Variants in TMEM182 observed in about 807,000 individuals in gnomAD.
The protein encoded by TMEM182 is transmembrane protein 182.
Under a neutral mutation model 26.8 loss-of-function variants are expected in TMEM182, and 20 were observed. That is an observed-to-expected ratio of 0.75 (90% CI 0.53 to 1.09). The LOEUF (loss-of-function observed/expected upper bound fraction) is 1.09, where lower values mean the gene tolerates loss of function less well. Ranked by LOEUF, TMEM182 falls within the 50% of genes least tolerant of loss-of-function variation. The pLI, the probability that TMEM182 is intolerant of heterozygous loss-of-function variation, is 0.00. For missense variants in TMEM182, 277 were observed against 275.5 expected, an observed-to-expected ratio of 1.01 and a Z score of -0.04; for synonymous variants, 109 against 102.2, an observed-to-expected ratio of 1.07 and a Z score of -0.40.
chr2:102,832,327 T>A (rs1214416312), intron 3 of TMEM182, among the ~76,000 whole-genome samples: 3 of 152,240 alleles, frequency 2.0e-5, no homozygotes, highest in African/African-American at 7.2e-5. Context: ...CTACTGGGAT[T>A]GTAAATCAAC....
chr2:102,765,929 C>A (rs1402786348), intron 3 of TMEM182, among the ~76,000 whole-genome samples: 1 of 152,160 alleles, frequency 6.6e-6, no homozygotes, highest in Non-Finnish European at 1.5e-5. Context: ...GCCTACCTGT[C>A]ACTAGTAAGG....
downstream of TMEM182, among the ~76,000 whole-genome samples, chr2:102,821,401 G>A (rs1200213264): frequency 6.6e-6 from 1 of 152,036 alleles, no homozygotes; most frequent in Non-Finnish European, 1.5e-5. Flanking sequence ...GAGTTCTCAC[G>A]AGTTGTAATT....
At chr2:102,762,401 T>G (rs1199865339) in intron 1 of TMEM182, 52 bp downstream of exon 1, 1 of 1,605,624 alleles carries the variant, frequency 6.2e-7, no homozygotes, top group Non-Finnish European at 8.5e-7. Context: ...GAAGATACCC[T>G]TATGTATGCT....
downstream of TMEM182, among the ~76,000 whole-genome samples, chr2:102,820,077 G>A (rs565623910): frequency 7.9e-4 from 120 of 152,282 alleles, 2 homozygotes; most frequent in East Asian, 7.1e-3. Context: ...ACATGTCTTA[G>A]TTGGTTTATT....
chr2:102,755,806 T>C (rs560832757), intron 1 of TMEM182, among the ~76,000 whole-genome samples: 14 of 152,210 alleles, frequency 9.2e-5, no homozygotes, highest in Non-Finnish European at 2.1e-4. Context: ...TCATTCATTA[T>C]TAAACTGATT....
intron 4 of TMEM182, among the ~76,000 whole-genome samples, chr2:102,801,706 A>C (rs1299854386): frequency 6.6e-6 from 1 of 152,104 alleles, no homozygotes; most frequent in Non-Finnish European, 1.5e-5. Context: ...TAAAAAGGGA[A>C]AGGAAAATTT....
chr2:102,760,476 A>G (rs1469615680), upstream of TMEM182, among the ~76,000 whole-genome samples: 2 of 152,156 alleles, frequency 1.3e-5, no homozygotes, highest in Admixed American at 1.3e-4. Context: ...TCATAGCTTG[A>G]TGGTGTGGGA....
Position 102,806,213 on chromosome 2 carries a change from A to G in TMEM182, c.469+8213A>G, listed in dbSNP as rs144804861. ...TTTCTGAGCCATTTGTTTTCTTTAC[A>G]TTTTCGTGTATGGAAAGAGAAGCCT... On this transcript the variant is annotated intron_variant, in intron 4 of 4. Coordinates refer to ENST00000412401, the MANE Select transcript of TMEM182 (RefSeq NM_144632.5). 2.8e-3 allele frequency among the ~76,000 whole-genome samples: 421 copies of G among 151,838 alleles called. 1 individual carries two copies. Among genetic ancestry groups the G allele is most frequent in the African/African-American group, 9.7e-3 (402 of 41,382 alleles).
intron 3 of TMEM182, among the ~76,000 whole-genome samples, chr2:102,788,267 A>T (rs1681480921): frequency 6.6e-6 from 1 of 152,098 alleles, no homozygotes; most frequent in East Asian, 1.9e-4. Flanking sequence ...CTGGTTTGGA[A>T]TCCTAGCATG....
At position 102,753,194 on chromosome 2, in the gene TMEM182, T is replaced by TCC. The variant is rs1553436423; in HGVS notation, c.-82-5187_-82-5186dup. ...GATTTTAACAAATGAGTTTTAAGCT[T>TCC]CCCCCCCCCACTGCCTTCAAGAGTT... On this transcript the variant is annotated intron_variant, in intron 1 of 5. Coordinates refer to the TMEM182 transcript ENST00000409173. Among the ~76,000 whole-genome samples, 512 of 138,160 alleles carry TCC rather than the reference T, an allele frequency of 3.7e-3. 1 individual carries two copies. The highest frequency in any genetic ancestry group is 0.011 in the African/African-American group (402 of 36,182). 90.6% of individuals were successfully genotyped at this position (138,160 alleles called of 152,430 possible).
At chr2:102,833,989 G>A (rs940777621) in intron 3 of TMEM182, among the ~76,000 whole-genome samples, 1 of 152,148 alleles carries the variant, frequency 6.6e-6, no homozygotes, top group Non-Finnish European at 1.5e-5. Context: ...TATCCCATTT[G>A]TGTAAATGGG....
intron 3 of TMEM182, among the ~76,000 whole-genome samples, chr2:102,765,683 A>G (rs1026531211): frequency 2.6e-5 from 4 of 152,196 alleles, no homozygotes; most frequent in African/African-American, 4.8e-5. Context: ...ATTTGCTTGT[A>G]TTACATCATT....
intron 4 of TMEM182, among the ~76,000 whole-genome samples, chr2:102,808,855 C>A (rs1215917786): frequency 6.6e-6 from 1 of 152,160 alleles, no homozygotes; most frequent in African/African-American, 2.4e-5. Context: ...GCTATGATTC[C>A]ATTTATAATG....
chr2:102,739,634 C>A lies in TMEM182; in HGVS notation c.-83+2621C>A, dbSNP rs537622189. Among the ~76,000 whole-genome samples, 236 of 152,298 alleles carry A rather than the reference C, an allele frequency of 1.5e-3. 4 individuals carry two copies. The highest frequency in any genetic ancestry group is 5.4e-3 in the African/African-American group (224 of 41,558). Reference sequence around the variant, plus strand: ...GCTCCTGCTCCTGCCACGTGAGATGCCTAGCTCCTCCTTTGCTTCCACCAT... The same window carrying A: ...GCTCCTGCTCCTGCCACGTGAGATGACTAGCTCCTCCTTTGCTTCCACCAT... On this transcript the variant is annotated intron_variant, in intron 1 of 5. Transcript: ENST00000409173.
At chr2:102,821,810 A>G (rs1233071115), downstream of TMEM182, among the ~76,000 whole-genome samples, 1 of 151,972 alleles carries the variant, frequency 6.6e-6, no homozygotes, top group Non-Finnish European at 1.5e-5. Context: ...AACATGGTGA[A>G]ATCCCGTCTC....
intron 1 of TMEM182, among the ~76,000 whole-genome samples, chr2:102,756,921 C>A (rs1243697934): frequency 6.6e-6 from 1 of 152,058 alleles, no homozygotes; most frequent in Non-Finnish European, 1.5e-5. Flanking sequence ...TGAAGCAATT[C>A]TCTGCCTCAG....
chr2:102,824,966 A>T (rs999553429), intron 3 of TMEM182, among the ~76,000 whole-genome samples: 12 of 152,348 alleles, frequency 7.9e-5, no homozygotes, highest in Admixed American at 2.0e-4. Context: ...TTTCTTTATC[A>T]ATTTCCCAGT....
chr2:102,813,896 C>T (rs1458679625), intron 4 of TMEM182, among the ~76,000 whole-genome samples: 1 of 152,046 alleles, frequency 6.6e-6, no homozygotes, highest in East Asian at 1.9e-4. Context: ...TTCCCTCCCT[C>T]TGTCCCTCCT....
At chr2:102,834,366 T>C in intron 3 of TMEM182, 3 of 985,266 alleles carry the variant, frequency 3.0e-6, no homozygotes, top group Non-Finnish European at 3.6e-6. Context: ...TTTCCCTTTT[T>C]TTTTCCTTCT....
Sources: allele counts gnomAD v4.1 joint callset (sites outside exome capture counted in the v4.1 genomes callset), GRCh38; gene constraint gnomAD v4.1.1; transcripts MANE v1.5; gene names NCBI Gene and HGNC (gene_info 2026-07-23, HGNC 2026-07-21).